CSMD1: variants seen among roughly 807,000 people sequenced by gnomAD.
CSMD1 encodes the protein CUB and Sushi multiple domains 1.
A neutral mutation model predicts 417.5 loss-of-function variants in CSMD1; 213 were observed. That is an observed-to-expected ratio of 0.51 (90% CI 0.46 to 0.57). CSMD1 has a LOEUF of 0.57. Among genes scored for constraint, CSMD1 ranks in the 20% least tolerant of loss-of-function variants. CSMD1 has a pLI of 0.00. For missense variants in CSMD1, 6,923 were observed against 4,529.7 expected (o/e 1.53, Z -15.17); for synonymous variants, 2,862 against 1,736.8 (o/e 1.65, Z -16.11).
intron 23 of CSMD1, among the ~76,000 whole-genome samples, chr8:3,339,825 G>A (rs1397435342): frequency 6.6e-6 from 1 of 152,146 alleles, no homozygotes; most frequent in Non-Finnish European, 1.5e-5. Flanking sequence ...CGATTTCACA[G>A]AGCTATGGGT....
chr8:3,346,598 C>T (rs1012808067), intron 22 of CSMD1, among the ~76,000 whole-genome samples: 5 of 152,172 alleles, frequency 3.3e-5, no homozygotes, highest in African/African-American at 9.7e-5. Context: ...TACAGGCAAA[C>T]GCGGCCTTAG....
At chr8:3,603,725 AC>A (rs1206401154) in intron 8 of CSMD1, among the ~76,000 whole-genome samples, 1 of 152,124 alleles carries the variant, frequency 6.6e-6, no homozygotes, top group Non-Finnish European at 1.5e-5. Context: ...TTCTTAAAAA[AC>A]CCCCTGATAT....
chr8:3,954,285 G>C (rs1811781546), intron 5 of CSMD1, among the ~76,000 whole-genome samples: 2 of 152,342 alleles, frequency 1.3e-5, no homozygotes, highest in East Asian at 1.9e-4. Flanking sequence ...AGGAAAGGAA[G>C]GTGCGCTTGG....
intron 3 of CSMD1, among the ~76,000 whole-genome samples, chr8:4,131,334 C>A (rs369925924): frequency 6.6e-6 from 1 of 152,132 alleles, no homozygotes; most frequent in African/African-American, 2.4e-5. Flanking sequence ...GTGCTTTCAT[C>A]TTCCACTTGG....
At chr8:4,769,574 T>C (rs1796501016) in intron 1 of CSMD1, among the ~76,000 whole-genome samples, 1 of 152,228 alleles carries the variant, frequency 6.6e-6, no homozygotes, top group South Asian at 2.1e-4. Context: ...TTTGCCAATG[T>C]TGCAAAATAA....
chr8:3,306,943 T>A (rs1804904656), intron 25 of CSMD1, among the ~76,000 whole-genome samples: 1 of 152,092 alleles, frequency 6.6e-6, no homozygotes, highest in Non-Finnish European at 1.5e-5. Context: ...GTTTAAATGT[T>A]CACATCATTT....
intron 1 of CSMD1, among the ~76,000 whole-genome samples, chr8:4,932,260 A>T (rs536232543): frequency 0.1 from 4,461 of 43,064 alleles, 211 homozygotes; most frequent in African/African-American, 0.37. Flanking sequence ...TCTGGTTTTA[A>T]AAAAAAGTGA....
At chr8:3,810,356 A>G (rs957634301) in intron 5 of CSMD1, among the ~76,000 whole-genome samples, 1 of 152,224 alleles carries the variant, frequency 6.6e-6, no homozygotes, top group Non-Finnish European at 1.5e-5. Context: ...CTCAGTCACA[A>G]AAATCAAAAT....
At chr8:3,985,572 C>G (rs1814260064) in intron 5 of CSMD1, among the ~76,000 whole-genome samples, 1 of 152,108 alleles carries the variant, frequency 6.6e-6, no homozygotes, top group Non-Finnish European at 1.5e-5. Flanking sequence ...GGAATAATAA[C>G]AGTTTCACTT....
chr8:4,576,442 T>G (rs962914011), intron 2 of CSMD1, among the ~76,000 whole-genome samples: 2 of 152,246 alleles, frequency 1.3e-5, no homozygotes, highest in African/African-American at 4.8e-5. Flanking sequence ...TTACAGTTTT[T>G]CCTTAATAGT....
chr8:4,580,448 C>G (rs1799358995), intron 2 of CSMD1, among the ~76,000 whole-genome samples: 1 of 152,218 alleles, frequency 6.6e-6, no homozygotes, highest in Non-Finnish European at 1.5e-5. Flanking sequence ...ATTGCATCCA[C>G]TTTACAGGTG....
intron 2 of CSMD1, among the ~76,000 whole-genome samples, chr8:4,515,862 T>C (rs559711074): frequency 1.4e-4 from 21 of 152,322 alleles, no homozygotes; most frequent in Admixed American, 5.9e-4. Context: ...ATAAGCCTGC[T>C]GGCACCAAAC....
At chr8:4,849,548 T>A (rs570045844) in intron 1 of CSMD1, among the ~76,000 whole-genome samples, 2 of 152,250 alleles carry the variant, frequency 1.3e-5, no homozygotes, top group Non-Finnish European at 2.9e-5. Flanking sequence ...ACTCCATTTA[T>A]GACAAGTACT....
At chr8:3,382,817 G>C (rs946495871) in intron 18 of CSMD1, among the ~76,000 whole-genome samples, 2 of 151,734 alleles carry the variant, frequency 1.3e-5, no homozygotes, top group Non-Finnish European at 2.9e-5. Flanking sequence ...ATCTTTAATA[G>C]AATAACTTTT....
chr8:4,901,618 T>C (rs1365908643), intron 1 of CSMD1, among the ~76,000 whole-genome samples: 2 of 152,228 alleles, frequency 1.3e-5, no homozygotes, highest in African/African-American at 4.8e-5. Context: ...TTTGTCCCCA[T>C]ACTTCATTTT....
At chr8:4,131,527 T>A (rs767087758) in intron 3 of CSMD1, among the ~76,000 whole-genome samples, 1 of 152,170 alleles carries the variant, frequency 6.6e-6, no homozygotes, top group Non-Finnish European at 1.5e-5. Context: ...ATGTTTAATA[T>A]CAACGCATTT....
Position 3,493,670 on chromosome 8 carries a change from C to G in CSMD1, c.1401G>C (p.Thr467=), listed in dbSNP as rs190904600. Residue 467 remains threonine (T), a synonymous_variant, in exon 11 of 70, where the codon ACG becomes ACC. Transcript: ENST00000635120. ...FELERGYDTL[T]VGDAGKVGDT... ...CTCCCACCTTCCCAGCATCACCAAC[C>G]GTCAGGGTGTCATAGCCTCGCTCCA... 6.2e-7 allele frequency: 1 copy of G among 1,612,278 alleles called. No individual in the cohort carries two copies. Among genetic ancestry groups the G allele is most frequent in the Admixed American group, 1.7e-5 (1 of 59,848 alleles).
chr8:3,765,423 C>G (rs1307996283), intron 5 of CSMD1, among the ~76,000 whole-genome samples: 2 of 152,132 alleles, frequency 1.3e-5, no homozygotes, highest in Non-Finnish European at 2.9e-5. Flanking sequence ...ATAGGCTTCC[C>G]TGGAAGTTAC....
intron 1 of CSMD1, among the ~76,000 whole-genome samples, chr8:4,923,515 C>G (rs1806639734): frequency 7.1e-6 from 1 of 141,742 alleles, no homozygotes; most frequent in South Asian, 2.2e-4. Context: ...TAAATAAACA[C>G]ACATATATAT....
Sources: allele counts gnomAD v4.1 joint callset (sites outside exome capture counted in the v4.1 genomes callset), GRCh38; gene constraint gnomAD v4.1.1; transcripts MANE v1.5; gene names NCBI Gene and HGNC (gene_info 2026-07-23, HGNC 2026-07-21).